The following NDFIP1 variants were observed in gnomAD, a reference collection of about 807,000 sequenced individuals.
NDFIP1 encodes Nedd4 family interacting protein 1.
Under a neutral mutation model 28.8 loss-of-function variants are expected in NDFIP1, and 7 were observed. The observed-to-expected ratio is 0.24, with a 90% CI of 0.14 to 0.46. The LOEUF is 0.46. NDFIP1 is among the 20% of genes least tolerant of loss of function. The pLI is 0.99. For synonymous variants in NDFIP1, 92 were observed against 101.0 expected (o/e 0.91, Z 0.53); for missense variants, 194 against 269.1 (o/e 0.72, Z 1.95).
chr5:142,136,032 A>C lies in NDFIP1; in HGVS notation c.370+215A>C, dbSNP rs1034261419. ...TTTCATGAATATCTGTGGAAAATAT[A>C]ATTAAAGCAGTTATGAGGATGCTGC... On this transcript the variant is annotated intron_variant, in intron 4 of 7. Coordinates refer to ENST00000253814, the MANE Select transcript of NDFIP1 (RefSeq NM_030571.4). Among the ~76,000 whole-genome samples the C allele has an allele frequency of 9.2e-5, 14 of 152,212 alleles. 1 individual carries two copies. Among genetic ancestry groups the C allele is most frequent in the South Asian group, 2.1e-4 (1 of 4,828 alleles).
rs187892100 is a variant in NDFIP1, at chr5:142,136,653, G to A, written c.370+836G>A. Among the ~76,000 whole-genome samples the A allele has an allele frequency of 9.8e-3, 1,484 of 151,634 alleles. 22 individuals carry two copies. Among genetic ancestry groups the A allele is most frequent in the African/African-American group, 0.034 (1,419 of 41,238 alleles). Reference sequence around the variant, plus strand: ...ACCTGTAATCCCAGCTACTCAGGAGGCTGAGGCAGGAGAATCGATTGAACC... The same window carrying A: ...ACCTGTAATCCCAGCTACTCAGGAGACTGAGGCAGGAGAATCGATTGAACC... On this transcript the variant is annotated intron_variant, in intron 4 of 7. Coordinates refer to ENST00000253814, the MANE Select transcript of NDFIP1 (RefSeq NM_030571.4).
rs1757450657 is a variant in NDFIP1 at position 142,151,939 on chromosome 5, A to G, written c.*211A>G. 1 of 152,826 alleles carries G rather than the reference A, an allele frequency of 6.5e-6. No individual in the cohort carries two copies. 9.5% of individuals were successfully genotyped at this position (152,826 alleles called of 1,614,324 possible). ...TGCAGAATTCTGTAATCATTGAATC[A>G]TTAGTGGTTAATGTTTGAAAAAGCT... On this transcript the variant is annotated 3_prime_UTR_variant, in exon 8 of 8. Transcript: ENST00000253814.
intron 1 of NDFIP1, among the ~76,000 whole-genome samples, chr5:142,116,052 G>T (rs1446894989): frequency 6.6e-6 from 1 of 152,102 alleles, no homozygotes; most frequent in Non-Finnish European, 1.5e-5. Context: ...TTTGGTATCT[G>T]TGGGGAGTCC....
chr5:142,128,088 A>G (rs1044019435), intron 1 of NDFIP1, among the ~76,000 whole-genome samples: 3 of 152,274 alleles, frequency 2.0e-5, no homozygotes, highest in Non-Finnish European at 4.4e-5. Flanking sequence ...CCCTTGCCCA[A>G]CATCTCTGTG....
intron 3 of NDFIP1, 132 bp downstream of exon 3, chr5:142,132,474 A>G (rs1596789546): frequency 2.5e-6 from 3 of 1,181,090 alleles, no homozygotes; most frequent in East Asian, 2.4e-5. Context: ...AATCAGGTAC[A>G]TTTGCTTTTG....
Position 142,144,612 on chromosome 5 carries a change from GT to G in NDFIP1, c.606del (p.Arg203GlyfsTer45). ...CAGAGGATTTATCAATTATGCAAAA[GT>G]TCGGAAGATGCCAGAAACTTTCTCA... Reference protein sequence around the residue: ...FLRGFINYAKVRKMPETFSNL... With the variant: ...FLRGFINYAKXRKMPETFSNL... On this transcript the variant is annotated frameshift_variant, in exon 7 of 8. Coordinates refer to ENST00000253814, the MANE Select transcript of NDFIP1 (RefSeq NM_030571.4). LOFTEE classifies it high-confidence loss of function. The G allele has an allele frequency of 6.2e-7, 1 of 1,613,224 alleles. No individual in the cohort carries two copies. The highest frequency in any genetic ancestry group is 8.5e-7 in the Non-Finnish European group (1 of 1,179,598).
At chr5:142,136,894 C>A (rs1757281478) in intron 4 of NDFIP1, among the ~76,000 whole-genome samples, 1 of 144,866 alleles carries the variant, frequency 6.9e-6, no homozygotes, top group African/African-American at 2.6e-5. Flanking sequence ...GGAGAAACCC[C>A]ATCTCTACTA....
intron 1 of NDFIP1, among the ~76,000 whole-genome samples, chr5:142,120,241 C>T (rs1011612994): frequency 6.6e-6 from 1 of 152,206 alleles, no homozygotes; most frequent in Non-Finnish European, 1.5e-5. Context: ...CAGGCATGAG[C>T]CACTGCACCC....
intron 6 of NDFIP1, among the ~76,000 whole-genome samples, chr5:142,142,393 T>G (rs966566042): frequency 6.6e-6 from 1 of 152,160 alleles, no homozygotes; most frequent in Non-Finnish European, 1.5e-5. Flanking sequence ...AATAGTTCCT[T>G]GGCTTGCTTA....
chr5:142,116,636 C>T (rs1191823785), intron 1 of NDFIP1, among the ~76,000 whole-genome samples: 1 of 152,028 alleles, frequency 6.6e-6, no homozygotes, highest in African/African-American at 2.4e-5. Context: ...ACAGAGATTA[C>T]AGGTGTGAGC....
chr5:142,142,588 T>A (rs563771297), intron 6 of NDFIP1, among the ~76,000 whole-genome samples: 2 of 152,246 alleles, frequency 1.3e-5, no homozygotes, highest in African/African-American at 4.8e-5. Context: ...TTTATAATCC[T>A]TCATCATTGA....
At chr5:142,151,420 G>T (rs931695701) in intron 7 of NDFIP1, among the ~76,000 whole-genome samples, 2 of 152,210 alleles carry the variant, frequency 1.3e-5, no homozygotes, top group Admixed American at 6.5e-5. Context: ...ACAGCGTTCA[G>T]TGTGGGATGC....
At chr5:142,142,312 A>AT (rs1229305762) in intron 6 of NDFIP1, among the ~76,000 whole-genome samples, 3 of 151,980 alleles carry the variant, frequency 2.0e-5, no homozygotes, top group Non-Finnish European at 4.4e-5. Context: ...AGAAATAGTA[A>AT]TTTTTTTTCC....
intron 1 of NDFIP1, among the ~76,000 whole-genome samples, chr5:142,123,572 T>A (rs1417599203): frequency 6.6e-6 from 1 of 152,232 alleles, no homozygotes; most frequent in Non-Finnish European, 1.5e-5. Flanking sequence ...ATGTTTCTAT[T>A]TTAGAGCTTT....
At chr5:142,150,579 A>C (rs1252891249) in intron 7 of NDFIP1, among the ~76,000 whole-genome samples, 1 of 152,094 alleles carries the variant, frequency 6.6e-6, no homozygotes, top group Non-Finnish European at 1.5e-5. Context: ...TACAGAAGAC[A>C]CCGGGCATAG....
At chr5:142,123,977 C>A (rs1402325140) in intron 1 of NDFIP1, among the ~76,000 whole-genome samples, 4 of 152,148 alleles carry the variant, frequency 2.6e-5, no homozygotes, top group Non-Finnish European at 5.9e-5. Context: ...GCTATATGTT[C>A]ATGAGCAGCT....
intron 1 of NDFIP1, among the ~76,000 whole-genome samples, chr5:142,109,532 G>C (rs1186251896): frequency 6.6e-6 from 1 of 152,086 alleles, no homozygotes; most frequent in Non-Finnish European, 1.5e-5. Flanking sequence ...CATCCCCCTC[G>C]CCTCCGTTTT....
rs933407009 is a variant in NDFIP1, at chr5:142,153,086, C to A, written c.*1358C>A. 2 of 332,598 alleles carry A rather than the reference C, an allele frequency of 6.0e-6. No homozygotes were observed. Among genetic ancestry groups the A allele is most frequent in the African/African-American group, 4.3e-5 (2 of 46,234 alleles). The allele number at this position is 332,598 out of a possible 1,614,324, so 20.6% of individuals were successfully genotyped here. On this transcript the variant is annotated 3_prime_UTR_variant, in exon 8 of 8. Transcript: ENST00000253814. ...AGACATAATTTTAGATAATTTATTTCCAGTGTTTTCTGCATGTTCTCATTT... is the reference window on the plus strand; with the variant it reads ...AGACATAATTTTAGATAATTTATTTACAGTGTTTTCTGCATGTTCTCATTT...
Position 142,108,938 on chromosome 5 carries a change from C to G in NDFIP1, c.-37C>G. The G allele has an allele frequency of 7.1e-7, 1 of 1,407,978 alleles. No homozygotes were observed. Among genetic ancestry groups the G allele is most frequent in the Non-Finnish European group, 9.3e-7 (1 of 1,080,182 alleles). 87.2% of individuals were successfully genotyped at this position (1,407,978 alleles called of 1,614,324 possible). ...AGCGGCCGCGCCCCTTCAGCTAGCT[C>G]GCTCGCTCGCTCTGCTTCCCTGCTG... On this transcript the variant is annotated 5_prime_UTR_variant, in exon 1 of 8. Transcript: ENST00000253814.
Sources: gnomAD v4.1 joint callset for allele counts (sites outside exome capture counted in the v4.1 genomes callset) on GRCh38, gnomAD v4.1.1 for gene constraint, MANE v1.5 for transcripts, NCBI Gene and HGNC (gene_info 2026-07-23, HGNC 2026-07-21) for gene names.